Variants in UNC5A observed in about 807,000 individuals in gnomAD.
UNC5A encodes netrin receptor UNC5A.
A neutral mutation model predicts 87.4 loss-of-function variants in UNC5A; 20 were observed. The observed-to-expected ratio is 0.23, with a 90% CI of 0.16 to 0.33. The LOEUF is 0.33. Among genes scored for constraint, UNC5A ranks in the 10% least tolerant of loss-of-function variants. UNC5A has a pLI of 1.00. For synonymous variants in UNC5A, 438 were observed against 482.3 expected (o/e 0.91, Z 1.20); for missense variants, 844 against 1,133.4 (o/e 0.74, Z 3.67).
At chr5:176,849,036 G>A (rs1334386286) in intron 1 of UNC5A, among the ~76,000 whole-genome samples, 1 of 152,190 alleles carries the variant, frequency 6.6e-6, no homozygotes, top group Non-Finnish European at 1.5e-5. Context: ...GTGCTGGCAA[G>A]GGCAGGAAGA....
Position 176,810,969 on chromosome 5 carries a change from T to G in UNC5A, c.70+149T>G, listed in dbSNP as rs956926918. On this transcript the variant is annotated intron_variant, in intron 1 of 14. Coordinates refer to ENST00000329542, the MANE Select transcript of UNC5A (RefSeq NM_133369.3). This position sits in a 1 kb window ranked among gnomAD's most constrained non-coding sequence, Gnocchi z 7.3. The stretch of plus-strand genomic sequence containing the variant: ...TGCGAGGCGGGACGCGGGGGGCTCT[T>G]CTTGCTGCTGCGCAGCTTCCCCGCG... The G allele has an allele frequency of 4.2e-4, 270 of 638,396 alleles. No homozygotes were observed. Among genetic ancestry groups the G allele is most frequent in the Non-Finnish European group, 2.2e-4 (107 of 479,420 alleles). 39.5% of individuals were successfully genotyped at this position (638,396 alleles called of 1,614,324 possible). A position where few individuals can be genotyped will look rare whatever the true frequency, so the allele number is the denominator to read the frequency against.
chr5:176,867,649 AT>A (rs1481332964), intron 2 of UNC5A, among the ~76,000 whole-genome samples: 1 of 152,168 alleles, frequency 6.6e-6, no homozygotes, highest in Non-Finnish European at 1.5e-5. Context: ...AATGACTGTT[AT>A]TATATTATCA....
At chr5:176,851,744 A>G (rs1233384038) in intron 1 of UNC5A, among the ~76,000 whole-genome samples, 2 of 151,792 alleles carry the variant, frequency 1.3e-5, no homozygotes, top group African/African-American at 4.8e-5. Flanking sequence ...GCAGAGTGGC[A>G]CTCCTAGTTG....
At chr5:176,861,399 C>A (rs928954165) in intron 1 of UNC5A, among the ~76,000 whole-genome samples, 3 of 152,218 alleles carry the variant, frequency 2.0e-5, no homozygotes, top group African/African-American at 7.2e-5. Flanking sequence ...TCCGAGCCTG[C>A]CCTCCAGGGC....
chr5:176,867,998 A>C, intron 2 of UNC5A, 132 bp from the exon 3 acceptor site: 1 of 697,622 alleles, frequency 1.4e-6, no homozygotes, highest in Non-Finnish European at 2.0e-6. Context: ...AATAATAATA[A>C]AATTTAAAAA....
intron 1 of UNC5A, among the ~76,000 whole-genome samples, chr5:176,821,585 G>T (rs1756729641): frequency 6.6e-6 from 1 of 152,230 alleles, no homozygotes; most frequent in Non-Finnish European, 1.5e-5. Flanking sequence ...GGCTCTTCAG[G>T]CAGGCTGGGG....
At chr5:176,870,588 C>T (rs778213796) in intron 6 of UNC5A, 54 bp downstream of exon 6, 5 of 1,527,598 alleles carry the variant, frequency 3.3e-6, no homozygotes, top group Non-Finnish European at 1.8e-6. Context: ...TGGCCTTGCC[C>T]AGCCCTGGGG....
chr5:176,812,561 C>T lies in UNC5A; in HGVS notation c.70+1741C>T, dbSNP rs987486956. Among the ~76,000 whole-genome samples, 3 of 152,166 alleles carry T rather than the reference C, an allele frequency of 2.0e-5. 1 individual carries two copies. The South Asian group carries it at 6.2e-4, about 32-fold the overall frequency. On this transcript the variant is annotated intron_variant, in intron 1 of 14. Coordinates refer to ENST00000329542, the MANE Select transcript of UNC5A (RefSeq NM_133369.3). ...AGGTGAGCGTGTACAGATAAGGGGGCACAGGTACCGGTGAAGCAGGGTGCT... is the reference window on the plus strand; with the variant it reads ...AGGTGAGCGTGTACAGATAAGGGGGTACAGGTACCGGTGAAGCAGGGTGCT...
rs1301743276 is a variant in UNC5A at position 176,841,811 on chromosome 5, T to A, written c.71-20813T>A. ...AAGAAGGTATACAAATGGCCAACAA[T>A]CATGAAAAAAGGCTCGACATCACTA... On this transcript the variant is annotated intron_variant, in intron 1 of 14. Coordinates refer to ENST00000329542, the MANE Select transcript of UNC5A (RefSeq NM_133369.3). This position sits in a 1 kb window ranked among gnomAD's most constrained non-coding sequence, Gnocchi z 4.1. 6.6e-6 allele frequency among the ~76,000 whole-genome samples: 1 copy of A among 151,936 alleles called. No homozygotes were observed. Among genetic ancestry groups the A allele is most frequent in the Non-Finnish European group, 1.5e-5 (1 of 67,980 alleles).
At chr5:176,854,470 G>T (rs1757620793) in intron 1 of UNC5A, among the ~76,000 whole-genome samples, 1 of 152,228 alleles carries the variant, frequency 6.6e-6, no homozygotes, top group African/African-American at 2.4e-5. Context: ...CTGCGTGTCT[G>T]CAAGCCCGGC....
intron 1 of UNC5A, among the ~76,000 whole-genome samples, chr5:176,850,346 A>G (rs1313999013): frequency 6.6e-6 from 1 of 151,934 alleles, no homozygotes; most frequent in East Asian, 1.9e-4. Context: ...GTGAGATCGG[A>G]TTCTCTTTCT....
intron 1 of UNC5A, among the ~76,000 whole-genome samples, chr5:176,812,372 G>C (rs1756480897): frequency 6.6e-6 from 1 of 152,212 alleles, no homozygotes; most frequent in Admixed American, 6.5e-5. Flanking sequence ...GGTCATAGCT[G>C]CATGTCGCCC....
chr5:176,853,494 G>A (rs1053667861), intron 1 of UNC5A, among the ~76,000 whole-genome samples: 1 of 152,200 alleles, frequency 6.6e-6, no homozygotes, highest in Admixed American at 6.5e-5. Context: ...TTGTGACCAG[G>A]CCCCTGGAGC....
chr5:176,868,967 G>A lies in UNC5A; in HGVS notation c.721+3G>A. The A allele has an allele frequency of 6.3e-7, 1 of 1,595,608 alleles. No individual in the cohort carries two copies. Among genetic ancestry groups the A allele is most frequent in the Non-Finnish European group, 8.6e-7 (1 of 1,169,524 alleles). ...CTCCGCTGCTGTCATCGTCTACGGT[G>A]GGCCCCGGGACTCCCTGGTCACAGG... is the stretch of plus-strand genomic sequence containing the variant. On this transcript the variant is annotated splice_donor_region_variant and intron_variant, in intron 5 of 14. Transcript: ENST00000329542.
intron 1 of UNC5A, among the ~76,000 whole-genome samples, chr5:176,817,298 CG>C (rs888661059): frequency 2.7e-5 from 4 of 149,326 alleles, no homozygotes; most frequent in African/African-American, 9.9e-5. Flanking sequence ...GGGGGAAGGC[CG>C]GGGGAATCTG....
chr5:176,864,612 C>T (rs768665018), intron 2 of UNC5A, among the ~76,000 whole-genome samples: 20 of 152,226 alleles, frequency 1.3e-4, no homozygotes, highest in Admixed American at 5.9e-4. Context: ...TTCTCGTCTG[C>T]AGCAGTCACA....
intron 1 of UNC5A, among the ~76,000 whole-genome samples, chr5:176,839,856 G>A (rs1289452705): frequency 4.0e-5 from 5 of 126,242 alleles, no homozygotes; most frequent in Admixed American, 2.0e-4. Context: ...TCACTCTGTC[G>A]CCCAGGCTGG....
At position 176,838,841 on chromosome 5, in the gene UNC5A, A is replaced by T. The variant is rs1757202917; in HGVS notation, c.71-23783A>T. On this transcript the variant is annotated intron_variant, in intron 1 of 14. Coordinates refer to ENST00000329542, the MANE Select transcript of UNC5A (RefSeq NM_133369.3). The surrounding 1 kb of genome is among the most constrained non-coding windows in gnomAD (Gnocchi z 4.2). Reference sequence around the variant, plus strand: ...TGGCCCACATGCCCATCTCAAACCAATCACCAGAGCCAGGGCAGGAGATAG... The same window carrying T: ...TGGCCCACATGCCCATCTCAAACCATTCACCAGAGCCAGGGCAGGAGATAG... Among the ~76,000 whole-genome samples, 1 of 152,190 alleles carries T rather than the reference A, an allele frequency of 6.6e-6. No homozygotes were observed. The highest frequency in any genetic ancestry group is 1.5e-5 in the Non-Finnish European group (1 of 68,034).
intron 1 of UNC5A, among the ~76,000 whole-genome samples, chr5:176,821,583 AG>A (rs1319390973): frequency 6.6e-6 from 1 of 152,260 alleles, no homozygotes; most frequent in Non-Finnish European, 1.5e-5. Context: ...TTGGCTCTTC[AG>A]GCAGGCTGGG....
Sources: allele counts gnomAD v4.1 joint callset (sites outside exome capture counted in the v4.1 genomes callset), GRCh38; gene constraint gnomAD v4.1.1; non-coding constraint Gnocchi (gnomAD v3.1); transcripts MANE v1.5; gene names NCBI Gene and HGNC (gene_info 2026-07-23, HGNC 2026-07-21).